Variants in NUFIP1 observed in about 807,000 individuals in gnomAD.
NUFIP1 encodes FMR1-interacting protein NUFIP1.
In NUFIP1, 38 loss-of-function variants were observed where a neutral mutation model predicts 56.2. The observed-to-expected ratio is 0.68, with a 90% CI of 0.52 to 0.89. NUFIP1 has a LOEUF of 0.89. NUFIP1 is among the 40% of genes least tolerant of loss of function. The probability of loss-of-function intolerance (pLI) is 0.00; values close to 1 mark genes in which losing one functional copy is unlikely to be tolerated. For missense variants in NUFIP1, 567 were observed against 605.8 expected, an observed-to-expected ratio of 0.94 and a Z score of 0.67; for synonymous variants, 215 against 212.4, an observed-to-expected ratio of 1.01 and a Z score of -0.10.
At chr13:44,985,860 T>C (rs972249251) in intron 1 of NUFIP1, among the ~76,000 whole-genome samples, 26 of 152,230 alleles carry the variant, frequency 1.7e-4, no homozygotes, top group Admixed American at 1.6e-3. Flanking sequence ...TCTCTCATTT[T>C]AAATCGAAAG....
chr13:44,946,614 T>C (rs1330639996), intron 8 of NUFIP1, among the ~76,000 whole-genome samples: 1 of 152,240 alleles, frequency 6.6e-6, no homozygotes, highest in Non-Finnish European at 1.5e-5. Context: ...AGGGACACTT[T>C]CCTTGTTTAA....
At position 44,949,727 on chromosome 13, in the gene NUFIP1, G is replaced by A. The variant is rs760993879; in HGVS notation, c.1133C>T (p.Pro378Leu). 17 of 1,596,892 alleles carry A rather than the reference G, an allele frequency of 1.1e-5. No homozygotes were observed. In the South Asian group the frequency reaches 1.9e-4, roughly 18 times the overall value. ...YGSLSGSESE[P>L]EETPIKTEAD... Reference sequence around the variant, plus strand: ...CAACACACACCATGACTTACCTTCTGGCTCACTCTCTGACCCTGAAAGACT... The same window carrying A: ...CAACACACACCATGACTTACCTTCTAGCTCACTCTCTGACCCTGAAAGACT... The change falls in exon 8 of 10, where the codon CCA becomes CTA. Residue 378 changes from proline to leucine, a missense_variant. Physicochemically the swap from Pro to Leu is moderately conservative, Grantham distance 98. Transcript: ENST00000379161.
intron 6 of NUFIP1, among the ~76,000 whole-genome samples, chr13:44,960,147 GT>G (rs1294418036): frequency 6.6e-6 from 1 of 152,034 alleles, no homozygotes; most frequent in Non-Finnish European, 1.5e-5. Flanking sequence ...GGCCAGGATG[GT>G]CTCGATCTTC....
chr13:44,988,677 T>C (rs1872528594), intron 1 of NUFIP1, among the ~76,000 whole-genome samples: 1 of 152,222 alleles, frequency 6.6e-6, no homozygotes, highest in Non-Finnish European at 1.5e-5. Flanking sequence ...AAATAACTGC[T>C]AAATGGAATT....
At chr13:44,968,406 GAAA>G (rs11306471) in intron 5 of NUFIP1, among the ~76,000 whole-genome samples, 4 of 121,050 alleles carry the variant, frequency 3.3e-5, no homozygotes, top group Non-Finnish European at 3.3e-5. Flanking sequence ...ACACTGAGAA[GAAA>G]AAAAAAAAAA....
chr13:44,968,068 G>A lies in NUFIP1; in HGVS notation c.735-2132C>T, dbSNP rs142482938. Among the ~76,000 whole-genome samples the A allele has an allele frequency of 4.6e-3, 701 of 151,938 alleles. 17 individuals carry two copies. The highest frequency in any genetic ancestry group is 0.04 in the Admixed American group (616 of 15,278). The stretch of plus-strand genomic sequence containing the variant: ...GAATGGAAATGACATTGGGTAAGTG[G>A]TTAAGTAATCAGAAAAAAAATGTAA... On this transcript the variant is annotated intron_variant, in intron 5 of 9. Transcript: ENST00000379161.
intron 5 of NUFIP1, among the ~76,000 whole-genome samples, chr13:44,973,196 G>A (rs2137916589): frequency 6.6e-6 from 1 of 152,194 alleles, no homozygotes; most frequent in East Asian, 1.9e-4. Context: ...ATTCGTGTAG[G>A]GAAAAGCCAT....
rs376564498 is a variant in NUFIP1 at position 44,989,143 on chromosome 13, G to C, written c.294C>G (p.Pro98=). 7 of 1,614,060 alleles carry C rather than the reference G, an allele frequency of 4.3e-6. No homozygotes were observed. The highest frequency in any genetic ancestry group is 1.1e-5 in the South Asian group (1 of 91,068). Residue 98 remains proline (P), a synonymous_variant, in exon 1 of 10, where the codon CCC becomes CCG. Transcript: ENST00000379161. The stretch of plus-strand genomic sequence containing the variant: ...CGCTGGGTTGAGGCTGAGAATCAAG[G>C]GGAGACTGGGCGTCGAAGGGGGGTT... The part of the protein sequence containing the change: ...GAQPPFDAQS[P]LDSQPQPSGQ...
intron 8 of NUFIP1, among the ~76,000 whole-genome samples, chr13:44,945,632 T>C (rs1870881141): frequency 2.0e-5 from 3 of 152,040 alleles, no homozygotes; most frequent in African/African-American, 7.2e-5. Flanking sequence ...ACCAAGTAGA[T>C]TTTATCCTGG....
chr13:44,954,933 A>T (rs900782652), intron 7 of NUFIP1, among the ~76,000 whole-genome samples: 2 of 152,236 alleles, frequency 1.3e-5, no homozygotes, highest in Admixed American at 6.5e-5. Context: ...CTGTATTTCA[A>T]CAAATGACTA....
At chr13:44,987,721 T>C (rs1483988194) in intron 1 of NUFIP1, among the ~76,000 whole-genome samples, 1 of 152,172 alleles carries the variant, frequency 6.6e-6, no homozygotes, top group Non-Finnish European at 1.5e-5. Flanking sequence ...AAGTCTCCAA[T>C]ATCTCTTGTT....
intron 7 of NUFIP1, among the ~76,000 whole-genome samples, chr13:44,957,758 A>G (rs1871291939): frequency 6.6e-6 from 1 of 152,228 alleles, no homozygotes; most frequent in Non-Finnish European, 1.5e-5. Context: ...AGTTAACAAA[A>G]TGAAGAACAA....
chr13:44,976,472 A>G lies in NUFIP1; in HGVS notation c.734+2718T>C, dbSNP rs184387661. 8.2e-3 allele frequency among the ~76,000 whole-genome samples: 1,253 copies of G among 151,922 alleles called. 7 individuals are homozygous for G. Among genetic ancestry groups the G allele is most frequent in the Non-Finnish European group, 0.014 (920 of 67,982 alleles). ...AGGAAGAGGAAGAAGAAAAAGAAGA[A>G]TAACAACAACAAGAGGAGGAGGAAG... is the stretch of plus-strand genomic sequence containing the variant. On this transcript the variant is annotated intron_variant, in intron 5 of 9. Transcript: ENST00000379161.
In NUFIP1 at chr13:44,953,354, A is replaced by T. The variant is rs368096024; in HGVS notation, c.1022-3516T>A. On this transcript the variant is annotated intron_variant, in intron 7 of 9. Transcript: ENST00000379161. ...TTAACGTTTCACCACTAATTTTACC[A>T]TTCATCAGTGGATCTTGCCCAAAAC... is the stretch of plus-strand genomic sequence containing the variant. Among the ~76,000 whole-genome samples, 65 of 152,274 alleles carry T rather than the reference A, an allele frequency of 4.3e-4. 1 individual carries two copies. The highest frequency in any genetic ancestry group is 1.5e-3 in the African/African-American group (62 of 41,572).
At chr13:44,979,981 T>C (rs1234506477) in intron 3 of NUFIP1, 29 bp from the exon 4 acceptor site, 1 of 1,469,484 alleles carries the variant, frequency 6.8e-7, no homozygotes, top group Non-Finnish European at 9.3e-7. Flanking sequence ...AAAAAAAAAC[T>C]ATTTAACAAA....
chr13:44,973,548 TG>T (rs1481411656), intron 5 of NUFIP1, among the ~76,000 whole-genome samples: 2 of 152,154 alleles, frequency 1.3e-5, no homozygotes, highest in Non-Finnish European at 2.9e-5. Flanking sequence ...TATGGCACTA[TG>T]GGATAGAAGC....
chr13:44,964,091 T>C (rs970932227), intron 6 of NUFIP1, among the ~76,000 whole-genome samples: 2 of 152,194 alleles, frequency 1.3e-5, no homozygotes, highest in African/African-American at 4.8e-5. Flanking sequence ...TGTACAATAA[T>C]TAATTCTAGA....
intron 9 of NUFIP1, 49 bp downstream of exon 9, chr13:44,943,393 T>G: frequency 6.5e-7 from 1 of 1,529,872 alleles, no homozygotes; most frequent in Non-Finnish European, 9.0e-7. Flanking sequence ...TGGCTCTATC[T>G]TTATGATGTG....
At chr13:44,950,362 T>C (rs560297927) in intron 7 of NUFIP1, among the ~76,000 whole-genome samples, 23 of 152,338 alleles carry the variant, frequency 1.5e-4, no homozygotes, top group Admixed American at 9.8e-4. Context: ...AAAGTTTTTT[T>C]AGAGACAGAG....
Sources: allele counts gnomAD v4.1 joint callset (sites outside exome capture counted in the v4.1 genomes callset), GRCh38; gene constraint gnomAD v4.1.1; transcripts MANE v1.5; gene names NCBI Gene and HGNC (gene_info 2026-07-23, HGNC 2026-07-21).